FCER2: variants seen among roughly 807,000 people sequenced by gnomAD.
The protein encoded by FCER2 is Fc epsilon receptor II.
In FCER2, 38 loss-of-function variants were observed where a neutral mutation model predicts 49.7. The ratio of observed to expected loss-of-function variants is 0.76; its 90% CI spans 0.59 to 1.00. FCER2 has a LOEUF of 1.00. Ranked by LOEUF, FCER2 falls within the 50% of genes least tolerant of loss-of-function variation. The pLI is 0.00. For missense variants in FCER2, 425 were observed against 419.5 expected (o/e 1.01, Z -0.11); for synonymous variants, 163 against 164.6 (o/e 0.99, Z 0.07).
At position 7,698,340 on chromosome 19, in the gene FCER2, CT is replaced by C; in HGVS notation, c.190+15del. On this transcript the variant is annotated intron_variant, in intron 4 of 10. Coordinates refer to ENST00000597921, the MANE Select transcript of FCER2 (RefSeq NM_001220500.2). ...TAACCCTCACCCCCACCCCCTCCAC[CT>C]TGACCCCTTCATACCGTTCCGGGCA... 1 of 1,592,672 alleles carries C rather than the reference CT, an allele frequency of 6.3e-7. No individual in the cohort carries two copies. Among genetic ancestry groups the C allele is most frequent in the Non-Finnish European group, 8.6e-7 (1 of 1,165,812 alleles).
At chr19:7,696,794 C>T (rs769774886) in intron 8 of FCER2, 31 bp downstream of exon 8, 15 of 1,525,336 alleles carry the variant, frequency 9.8e-6, no homozygotes, top group African/African-American at 4.1e-5. Context: ...TGAGGTCACG[C>T]GTCGTCCTGA....
At chr19:7,692,923 C>T (rs1027969350) in intron 8 of FCER2, among the ~76,000 whole-genome samples, 1 of 152,086 alleles carries the variant, frequency 6.6e-6, no homozygotes, top group African/African-American at 2.4e-5. Flanking sequence ...TCATAGCCAA[C>T]AGTGCCTCAG....
chr19:7,696,884 A>T lies in FCER2; in HGVS notation c.410T>A (p.Leu137Ter), dbSNP rs1456722720. The change falls in exon 8 of 11, where the codon TTG (leucine) becomes TAG (stop). Residue 137 changes from leucine (L) to a stop codon, truncating the protein, a stop_gained. Transcript: ENST00000597921. LOFTEE classifies it high-confidence loss of function. Reference protein sequence around the residue: ...ELNERNEASDLLERLREEVTK... With the variant: ...ELNERNEASD ...CACCTCCTCCCGGAGTCTTTCCAGC[A>T]AATCTGAAGCTTCGTTCCTCTCGTT... is the stretch of plus-strand genomic sequence containing the variant. 6.3e-7 allele frequency: 1 copy of T among 1,587,712 alleles called. No individual in the cohort carries two copies. The highest frequency in any genetic ancestry group is 1.8e-5 in the Admixed American group (1 of 55,706).
intron 1 of FCER2, among the ~76,000 whole-genome samples, chr19:7,700,951 C>T (rs1599444730): frequency 6.6e-6 from 1 of 152,166 alleles, no homozygotes; most frequent in Non-Finnish European, 1.5e-5. Flanking sequence ...GCTGGGACTA[C>T]AGGCACCCAC....
At chr19:7,697,815 C>T (rs192728996) in intron 4 of FCER2, among the ~76,000 whole-genome samples, 7 of 152,196 alleles carry the variant, frequency 4.6e-5, no homozygotes, top group East Asian at 3.9e-4. Flanking sequence ...AAGCAGTAGG[C>T]GACTATCAGG....
At chr19:7,701,388 T>C (rs1990975) in intron 1 of FCER2, among the ~76,000 whole-genome samples, 104,061 of 151,882 alleles carry the variant, frequency 0.69, 36,113 homozygotes, top group East Asian at 0.85. Flanking sequence ...CCTGGCTTCT[T>C]CCTGGATGAG....
At chr19:7,701,645 TG>T (rs1181168525) in intron 1 of FCER2, among the ~76,000 whole-genome samples, 1 of 152,044 alleles carries the variant, frequency 6.6e-6, no homozygotes, top group Non-Finnish European at 1.5e-5. Context: ...AATCTCATGG[TG>T]GGGTGTCTAC....
chr19:7,698,574 G>A (rs918259839), intron 3 of FCER2, 165 bp from the exon 4 acceptor site: 5 of 909,812 alleles, frequency 5.5e-6, no homozygotes, highest in Non-Finnish European at 8.5e-6. Flanking sequence ...GCTCTGGAGG[G>A]TGGGGGATGG....
At chr19:7,694,378 C>T (rs1222682512) in intron 8 of FCER2, among the ~76,000 whole-genome samples, 1 of 152,104 alleles carries the variant, frequency 6.6e-6, no homozygotes, top group African/African-American at 2.4e-5. Context: ...ACAACAAAAA[C>T]AACAACGACA....
chr19:7,697,899 G>A (rs1043183202), intron 4 of FCER2, among the ~76,000 whole-genome samples: 9 of 152,142 alleles, frequency 5.9e-5, no homozygotes, highest in African/African-American at 2.2e-4. Flanking sequence ...ATGAGGAAAT[G>A]GAGGCACAAA....
rs765200662 is a variant in FCER2, at chr19:7,699,770, G to A, written c.-10C>T. 4.3e-6 allele frequency: 7 copies of A among 1,613,394 alleles called. No homozygotes were observed. The South Asian group carries it at 5.5e-5, about 13-fold the overall frequency. On this transcript the variant is annotated 5_prime_UTR_variant, in exon 2 of 11. Transcript: ENST00000597921. ...ATTGACCTTCCTCCATGGCGGTCCT[G>A]CTTGGATTCTCCCGATGATGGAGCA...
intron 8 of FCER2, among the ~76,000 whole-genome samples, chr19:7,691,603 C>T (rs2032873322): frequency 6.6e-6 from 1 of 151,594 alleles, no homozygotes. Context: ...CCACCCTCAT[C>T]ACCTCAAACA....
chr19:7,691,494 T>C (rs1273063180), intron 8 of FCER2, among the ~76,000 whole-genome samples: 2 of 151,552 alleles, frequency 1.3e-5, no homozygotes, highest in African/African-American at 4.9e-5. Context: ...AATCCATCCA[T>C]GGCTAGCAAC....
chr19:7,699,477 G>GTTTTTT (rs55828544), intron 2 of FCER2: 25 of 1,261,800 alleles, frequency 2.0e-5, no homozygotes, highest in South Asian at 1.3e-4. Context: ...AGCTGAAGCC[G>GTTTTTT]TTTTTTTTTT....
rs545110996 is a variant in FCER2, at chr19:7,690,019, C to T, written c.728+140G>A. The T allele has an allele frequency of 9.5e-6, 6 of 630,924 alleles. No individual in the cohort carries two copies. In the Admixed American group the frequency reaches 1.4e-4, roughly 15 times the overall value. 39.1% of individuals were successfully genotyped at this position (630,924 alleles called of 1,614,324 possible). ...AGCCTTGGCCAGGTCCCCCAGCCCC[C>T]ACTGGCGTCCTTCTCCCCTGCACCC... On this transcript the variant is annotated intron_variant, in intron 10 of 10. Coordinates refer to ENST00000597921, the MANE Select transcript of FCER2 (RefSeq NM_001220500.2).
chr19:7,699,686 A>G, intron 2 of FCER2, 53 bp downstream of exon 2: 1 of 1,562,672 alleles, frequency 6.4e-7, no homozygotes, highest in Non-Finnish European at 8.8e-7. Flanking sequence ...GGTGAAAGGC[A>G]GTAGCTAAGG....
At chr19:7,689,772 A>G (rs1474073968) in intron 10 of FCER2, among the ~76,000 whole-genome samples, 1 of 152,146 alleles carries the variant, frequency 6.6e-6, no homozygotes, top group Non-Finnish European at 1.5e-5. Flanking sequence ...GGCGCCCGCC[A>G]TCATGACTGG....
At chr19:7,693,618 G>T (rs1295481264) in intron 8 of FCER2, among the ~76,000 whole-genome samples, 2 of 151,852 alleles carry the variant, frequency 1.3e-5, no homozygotes, top group East Asian at 3.9e-4. Context: ...TGCAGGGAAG[G>T]TTCCACTACA....
In FCER2 at chr19:7,689,298, T is replaced by A. The variant is rs751132524; in HGVS notation, c.861A>T (p.Thr287=). The change falls in exon 11 of 11, where the codon ACA becomes ACT. Residue 287 remains threonine (T), a synonymous_variant. Transcript: ENST00000597921. Reference sequence around the variant, plus strand: ...AACCTTCGCTGGCTGGCGGCGTGCATGTGGCCAGCCGGTCGCACACCCAGG... The same window carrying A: ...AACCTTCGCTGGCTGGCGGCGTGCAAGTGGCCAGCCGGTCGCACACCCAGG... ...LGAWVCDRLA[T]CTPPASEGSA... 7.4e-6 allele frequency: 12 copies of A among 1,613,124 alleles called. No individual in the cohort carries two copies. The highest frequency in any genetic ancestry group is 9.3e-6 in the Non-Finnish European group (11 of 1,179,784).
Sources: gnomAD v4.1 joint callset for allele counts (sites outside exome capture counted in the v4.1 genomes callset) on GRCh38, gnomAD v4.1.1 for gene constraint, MANE v1.5 for transcripts, NCBI Gene and HGNC (gene_info 2026-07-23, HGNC 2026-07-21) for gene names.